Variants in CHEK1 observed in about 807,000 individuals in gnomAD.
The protein encoded by CHEK1 is checkpoint kinase 1.
Under a neutral mutation model 60.2 loss-of-function variants are expected in CHEK1, and 32 were observed. That is an observed-to-expected ratio of 0.53 (90% CI 0.40 to 0.71). The LOEUF (loss-of-function observed/expected upper bound fraction) is 0.71, where lower values mean the gene tolerates loss of function less well. Among genes scored for constraint, CHEK1 ranks in the 30% least tolerant of loss-of-function variants. CHEK1 has a pLI of 0.00. For missense variants in CHEK1, 399 were observed against 564.6 expected (o/e 0.71, Z 2.97); for synonymous variants, 179 against 187.2 (o/e 0.96, Z 0.36).
At chr11:125,644,017 T>C in intron 9 of CHEK1, 74 bp from the exon 10 acceptor site, 1 of 1,547,828 alleles carries the variant, frequency 6.5e-7, no homozygotes, top group South Asian at 1.2e-5. Context: ...CATGAGAACT[T>C]GTGTGTGATA....
chr11:125,680,234 GAA>G (rs1942735693), downstream of CHEK1, among the ~76,000 whole-genome samples: 1 of 152,224 alleles, frequency 6.6e-6, no homozygotes, highest in African/African-American at 2.4e-5. Flanking sequence ...GATCCCAAAA[GAA>G]GAGATGATAC....
intron 8 of CHEK1, among the ~76,000 whole-genome samples, chr11:125,640,507 A>G (rs1451118113): frequency 6.7e-6 from 1 of 148,910 alleles, no homozygotes; most frequent in Non-Finnish European, 1.5e-5. Flanking sequence ...GCACCACTGC[A>G]CTCCAGCCTG....
At position 125,626,012 on chromosome 11, in the gene CHEK1, G is replaced by A. The variant is rs2135965449; in HGVS notation, c.-21G>A. On this transcript the variant is annotated splice_region_variant and 5_prime_UTR_variant, in exon 1 of 13. Coordinates refer to ENST00000438015, the MANE Select transcript of CHEK1 (RefSeq NM_001114122.3). ...TGCAGTGGTGGGCAAAGGACAGTCCGGTGAGGAAGGGCGGCCGGTAGAGTA... is the reference window on the plus strand; with the variant it reads ...TGCAGTGGTGGGCAAAGGACAGTCCAGTGAGGAAGGGCGGCCGGTAGAGTA... The A allele has an allele frequency of 1.4e-6, 1 of 697,120 alleles. No individual in the cohort carries two copies. Among genetic ancestry groups the A allele is most frequent in the Non-Finnish European group, 2.6e-6 (1 of 380,316 alleles). The allele number at this position is 697,120 out of a possible 1,614,324, so 43.2% of individuals were successfully genotyped here.
chr11:125,677,909 T>A, downstream of CHEK1: 1 of 1,614,020 alleles, frequency 6.2e-7, no homozygotes, highest in South Asian at 1.1e-5. Context: ...CGGAGCCATG[T>A]TCACCTGAAG....
chr11:125,642,966 C>G (rs552193178), intron 8 of CHEK1: 12 of 152,072 alleles, frequency 7.9e-5, no homozygotes, highest in African/African-American at 2.4e-4. Context: ...TGAGGTTTAG[C>G]TAGGGATTGT....
intron 8 of CHEK1, among the ~76,000 whole-genome samples, chr11:125,641,854 G>A (rs959074782): frequency 4.2e-4 from 63 of 149,280 alleles, no homozygotes; most frequent in African/African-American, 1.5e-3. Flanking sequence ...TTTCCAAAAT[G>A]TTCTGATTTA....
At chr11:125,651,254 TAG>T (rs1941715874) in intron 11 of CHEK1, among the ~76,000 whole-genome samples, 1 of 151,662 alleles carries the variant, frequency 6.6e-6, no homozygotes, top group Admixed American at 6.6e-5. Flanking sequence ...CAAGGTGAGT[TAG>T]AGTTACAAAG....
intron 12 of CHEK1, among the ~76,000 whole-genome samples, chr11:125,654,428 CGAA>C (rs1474972495): frequency 6.6e-6 from 1 of 151,884 alleles, no homozygotes; most frequent in Non-Finnish European, 1.5e-5. Context: ...ATTAATATTT[CGAA>C]GCATTTTAAT....
chr11:125,651,099 A>G (rs981817786), intron 11 of CHEK1, among the ~76,000 whole-genome samples: 4 of 152,036 alleles, frequency 2.6e-5, no homozygotes, highest in South Asian at 4.1e-4. Context: ...CCTATTCCCC[A>G]GAAACATCTC....
rs183614356 is a variant in CHEK1, at chr11:125,654,323, C to A, written c.1335+476C>A. On this transcript the variant is annotated intron_variant, in intron 12 of 12. Coordinates refer to ENST00000438015, the MANE Select transcript of CHEK1 (RefSeq NM_001114122.3). ...CCAGTCTGGGTGACAATACAAGAGA[C>A]TCTGTCTCAAAAAAAAGAAATTTCT... Among the ~76,000 whole-genome samples, 91 of 152,062 alleles carry A rather than the reference C, an allele frequency of 6.0e-4. No homozygotes were observed. The East Asian group carries it at 0.015, about 25-fold the overall frequency.
chr11:125,640,255 G>A (rs971106984), intron 8 of CHEK1, among the ~76,000 whole-genome samples: 2 of 152,148 alleles, frequency 1.3e-5, no homozygotes, highest in African/African-American at 4.8e-5. Flanking sequence ...CAATTCATGG[G>A]TTTTGGCCGG....
chr11:125,634,481 C>T (rs1260759060), intron 6 of CHEK1, among the ~76,000 whole-genome samples: 1 of 152,006 alleles, frequency 6.6e-6, no homozygotes, highest in Non-Finnish European at 1.5e-5. Context: ...CACCACCACA[C>T]CTGGCTAATT....
Position 125,643,911 on chromosome 11 carries a change from T to A in CHEK1, c.923+11T>A, listed in dbSNP as rs1941396856. 6.2e-7 allele frequency: 1 copy of A among 1,604,004 alleles called. No individual in the cohort carries two copies. The highest frequency in any genetic ancestry group is 2.2e-5 in the East Asian group (1 of 44,818). ...AAACAGTGCTTCTAGGTAAGACTGA[T>A]AAAGATTGAGTAGTTTTTGATTGTA... On this transcript the variant is annotated intron_variant, in intron 9 of 12. Transcript: ENST00000438015.
At chr11:125,673,943 G>A (rs1942348121) in intron 13 of CHEK1, among the ~76,000 whole-genome samples, 1 of 152,172 alleles carries the variant, frequency 6.6e-6, no homozygotes. Context: ...TGGATCACTT[G>A]AGGCCAGGAG....
chr11:125,651,968 ATTTTC>A (rs1941753685), intron 11 of CHEK1, among the ~76,000 whole-genome samples: 1 of 151,876 alleles, frequency 6.6e-6, no homozygotes, highest in Non-Finnish European at 1.5e-5. Context: ...TTCTTGAAGT[ATTTTC>A]TTTGTCTTTG....
intron 5 of CHEK1, among the ~76,000 whole-genome samples, chr11:125,631,885 AAAAG>A (rs1565365085): frequency 6.6e-6 from 1 of 150,900 alleles, no homozygotes; most frequent in Non-Finnish European, 1.5e-5. Context: ...AAAAAAAAAA[AAAAG>A]GGTAATCACA....
intron 11 of CHEK1, among the ~76,000 whole-genome samples, chr11:125,646,844 G>A (rs1390075362): frequency 6.6e-6 from 1 of 151,944 alleles, no homozygotes; most frequent in Non-Finnish European, 1.5e-5. Flanking sequence ...TTTACATTCT[G>A]GACACTAGAA....
Position 125,627,891 on chromosome 11 carries a change from T to G in CHEK1, c.289+61T>G. 3 of 1,295,542 alleles carry G rather than the reference T, an allele frequency of 2.3e-6. No homozygotes were observed. In the East Asian group the frequency reaches 7.5e-5, roughly 33 times the overall value. The allele number at this position is 1,295,542 out of a possible 1,614,324, so 80.3% of individuals were successfully genotyped here. A position where few individuals can be genotyped will look rare whatever the true frequency, so the allele number is the denominator to read the frequency against. On this transcript the variant is annotated intron_variant, in intron 3 of 12. Transcript: ENST00000438015. ...GTTTTTAAATTTGTTTTTTAAATCT[T>G]GGGCATGCTATTTGGTCGTTGTCCT...
downstream of CHEK1, among the ~76,000 whole-genome samples, chr11:125,659,904 T>C (rs1941981049): frequency 6.6e-6 from 1 of 152,186 alleles, no homozygotes; most frequent in African/African-American, 2.4e-5. Flanking sequence ...AATACTAACC[T>C]ACATTTTGTC....
Sources: gnomAD v4.1 joint callset for allele counts (sites outside exome capture counted in the v4.1 genomes callset) on GRCh38, gnomAD v4.1.1 for gene constraint, MANE v1.5 for transcripts, NCBI Gene and HGNC (gene_info 2026-07-23, HGNC 2026-07-21) for gene names.